The following PHACTR4 variants were observed in gnomAD, a reference collection of about 807,000 sequenced individuals.
PHACTR4 encodes the protein protein phosphatase 1, regulatory subunit 124.
In PHACTR4, 51 loss-of-function variants were observed where a neutral mutation model predicts 72.7. The observed-to-expected ratio is 0.70, with a 90% CI of 0.56 to 0.89. PHACTR4 has a LOEUF of 0.89. Among genes scored for constraint, PHACTR4 ranks in the 40% least tolerant of loss-of-function variants. PHACTR4 has a pLI of 0.00. For missense variants in PHACTR4, 731 were observed against 861.8 expected (o/e 0.85, Z 1.90); for synonymous variants, 255 against 302.5 (o/e 0.84, Z 1.63).
chr1:28,396,849 T>TC lies in PHACTR4; in HGVS notation c.-38-10561_-38-10560insC, dbSNP rs1337549117. ...AATTTCTTTCTTTCTTTCTTTCTTT[T>TC]TTTTTTTTTTTTTTTGTATTTTTAG... On this transcript the variant is annotated intron_variant, in intron 1 of 13. Coordinates refer to ENST00000373839, the MANE Select transcript of PHACTR4 (RefSeq NM_001048183.3). 7.5e-3 allele frequency among the ~76,000 whole-genome samples: 529 copies of TC among 70,634 alleles called. 6 individuals are homozygous for TC. The highest frequency in any genetic ancestry group is 0.028 in the African/African-American group (510 of 18,134). 46.3% of individuals were successfully genotyped at this position (70,634 alleles called of 152,430 possible). A position where few individuals can be genotyped will look rare whatever the true frequency, so the allele number is the denominator to read the frequency against.
intron 2 of PHACTR4, among the ~76,000 whole-genome samples, chr1:28,421,841 G>T (rs1557802967): frequency 6.6e-6 from 1 of 152,206 alleles, no homozygotes; most frequent in African/African-American, 2.4e-5. Context: ...TATTTGTTTA[G>T]TTCTGGTTAT....
At chr1:28,487,364 T>TA (rs905531025) in intron 9 of PHACTR4, among the ~76,000 whole-genome samples, 9 of 149,318 alleles carry the variant, frequency 6.0e-5, no homozygotes, top group South Asian at 2.1e-4. Flanking sequence ...AGATTCTGCC[T>TA]AAAAAAAAAT....
chr1:28,495,773 C>T (rs1433975068), intron 13 of PHACTR4, among the ~76,000 whole-genome samples: 1 of 151,834 alleles, frequency 6.6e-6, no homozygotes, highest in Non-Finnish European at 1.5e-5. Context: ...CAGGCCACCA[C>T]ACCTGGCTAA....
intron 3 of PHACTR4, among the ~76,000 whole-genome samples, chr1:28,459,591 G>A (rs1557829819): frequency 6.6e-6 from 1 of 151,552 alleles, no homozygotes; most frequent in East Asian, 1.9e-4. Context: ...TTGTAGAGAT[G>A]GGGTCTCCTT....
chr1:28,377,815 G>T (rs1202938276), intron 1 of PHACTR4, among the ~76,000 whole-genome samples: 1 of 149,284 alleles, frequency 6.7e-6, no homozygotes, highest in Non-Finnish European at 1.5e-5. Context: ...CAGGTAGACA[G>T]AGTGAAAGAC....
intron 1 of PHACTR4, among the ~76,000 whole-genome samples, chr1:28,378,170 C>T: frequency 7.3e-6 from 1 of 136,688 alleles, no homozygotes. Context: ...GCGCTCCAGC[C>T]TGGGTGACAG....
At chr1:28,402,277 T>C (rs1654000715) in intron 1 of PHACTR4, among the ~76,000 whole-genome samples, 1 of 151,924 alleles carries the variant, frequency 6.6e-6, no homozygotes, top group Non-Finnish European at 1.5e-5. Flanking sequence ...GGGGAAAAAA[T>C]TGGGAGTGGG....
At chr1:28,427,280 C>T (rs1655930412) in intron 2 of PHACTR4, among the ~76,000 whole-genome samples, 1 of 152,122 alleles carries the variant, frequency 6.6e-6, no homozygotes, top group African/African-American at 2.4e-5. Context: ...AATCCCAGCA[C>T]TTCGGGAGGC....
rs1241647961 is a variant in PHACTR4 at position 28,369,894 on chromosome 1, T to C, written c.-39+69T>C. The C allele has an allele frequency of 9.8e-6, 4 of 407,232 alleles. No homozygotes were observed. In the Admixed American group the frequency reaches 1.2e-4, roughly 12 times the overall value. The allele number at this position is 407,232 out of a possible 1,614,324, so 25.2% of individuals were successfully genotyped here. On this transcript the variant is annotated intron_variant, in intron 1 of 13. Transcript: ENST00000373839. ...ATCAGGCTGCGGCCTCCTCTCAGGC[T>C]GCGGCCCCTTTCTTGGCTCTGCGAG...
chr1:28,414,308 C>T (rs535810305), intron 2 of PHACTR4, among the ~76,000 whole-genome samples: 4 of 151,934 alleles, frequency 2.6e-5, no homozygotes, highest in Non-Finnish European at 4.4e-5. Flanking sequence ...TCAGGTGATC[C>T]GCCTGCCTCG....
intron 1 of PHACTR4, among the ~76,000 whole-genome samples, chr1:28,393,592 T>G (rs959539631): frequency 6.6e-6 from 1 of 152,232 alleles, no homozygotes; most frequent in Non-Finnish European, 1.5e-5. Flanking sequence ...CATACAATTA[T>G]GTATAGTATA....
intron 6 of PHACTR4, 21 bp from the exon 7 acceptor site, chr1:28,473,533 G>A: frequency 6.5e-7 from 1 of 1,542,046 alleles, no homozygotes; most frequent in Non-Finnish European, 8.9e-7. Context: ...TGAAATTGAT[G>A]TGTTGCTCTC....
chr1:28,458,108 TTGTGTGTGTGTGTGTGTGTGTGTGTG>T (rs539564108), intron 2 of PHACTR4, among the ~76,000 whole-genome samples: 1 of 120,292 alleles, frequency 8.3e-6, no homozygotes, highest in East Asian at 2.3e-4. Flanking sequence ...GTGTGTGTGT[TTGTGTGTGTGTGTGTGTGTGTGTGTG>T]TGTGTGTGTG....
At chr1:28,484,436 A>G (rs1246833380) in intron 9 of PHACTR4, among the ~76,000 whole-genome samples, 1 of 152,072 alleles carries the variant, frequency 6.6e-6, no homozygotes, top group Non-Finnish European at 1.5e-5. Flanking sequence ...TAGACAGGGC[A>G]TAAATATAGT....
At chr1:28,380,855 T>C (rs1450256337) in intron 1 of PHACTR4, among the ~76,000 whole-genome samples, 2 of 152,166 alleles carry the variant, frequency 1.3e-5, no homozygotes, top group Non-Finnish European at 2.9e-5. Flanking sequence ...TTTGGGTATA[T>C]AACCAGTAAT....
intron 1 of PHACTR4, among the ~76,000 whole-genome samples, chr1:28,376,494 T>C (rs537699849): frequency 5.7e-4 from 87 of 151,528 alleles, no homozygotes; most frequent in African/African-American, 2.1e-3. Flanking sequence ...TTTTTCTTTT[T>C]TTTTTTTTTC....
At chr1:28,441,532 G>C (rs76374777) in intron 2 of PHACTR4, among the ~76,000 whole-genome samples, 2,203 of 152,278 alleles carry the variant, frequency 0.014, 21 homozygotes, top group Non-Finnish European at 0.019. Flanking sequence ...TATCCAACCA[G>C]AGTTTCTACT....
chr1:28,459,689 A>G (rs1206276532), intron 3 of PHACTR4, among the ~76,000 whole-genome samples: 1 of 152,168 alleles, frequency 6.6e-6, no homozygotes, highest in Non-Finnish European at 1.5e-5. Flanking sequence ...AGCATGAGCC[A>G]CTGTGGCTGG....
At chr1:28,402,856 C>G (rs372898530) in intron 1 of PHACTR4, among the ~76,000 whole-genome samples, 2 of 152,112 alleles carry the variant, frequency 1.3e-5, no homozygotes, top group Non-Finnish European at 2.9e-5. Context: ...CCATCACAAA[C>G]CAGGATCATC....
Sources: allele counts gnomAD v4.1 joint callset (sites outside exome capture counted in the v4.1 genomes callset), GRCh38; gene constraint gnomAD v4.1.1; transcripts MANE v1.5; gene names NCBI Gene and HGNC (gene_info 2026-07-23, HGNC 2026-07-21).